The following NLK variants were observed in gnomAD, a reference collection of about 807,000 sequenced individuals.
The protein encoded by NLK is serine/threonine-protein kinase NLK.
In NLK, 11 loss-of-function variants were observed where a neutral mutation model predicts 59.0. That is an observed-to-expected ratio of 0.19 (90% CI 0.12 to 0.31). The LOEUF (loss-of-function observed/expected upper bound fraction) is 0.31, where lower values mean the gene tolerates loss of function less well. NLK is among the 10% of genes least tolerant of loss of function. The pLI is 1.00. For synonymous variants in NLK, 235 were observed against 235.9 expected (o/e 1.00, Z 0.03); for missense variants, 410 against 661.1 (o/e 0.62, Z 4.16).
intron 8 of NLK, among the ~76,000 whole-genome samples, chr17:28,188,353 T>A (rs1909193025): frequency 6.6e-6 from 1 of 152,286 alleles, no homozygotes; most frequent in African/African-American, 2.4e-5. Context: ...TATTAGCTTT[T>A]GATCTATATT....
intron 1 of NLK, among the ~76,000 whole-genome samples, chr17:28,081,259 C>T (rs1263521909): frequency 6.6e-6 from 1 of 151,844 alleles, no homozygotes; most frequent in Non-Finnish European, 1.5e-5. Context: ...AGTGCAGCGG[C>T]GTGCGTGATC....
At chr17:28,052,009 T>A (rs1276405207) in intron 1 of NLK, among the ~76,000 whole-genome samples, 1 of 152,116 alleles carries the variant, frequency 6.6e-6, no homozygotes. Flanking sequence ...ATTTTAAATG[T>A]TCATTTTTTT....
At chr17:28,183,596 TGG>T (rs1030105448) in intron 7 of NLK, among the ~76,000 whole-genome samples, 3 of 152,188 alleles carry the variant, frequency 2.0e-5, no homozygotes, top group African/African-American at 7.2e-5. Context: ...CCCAAAGTGC[TGG>T]GATTACAAAC....
chr17:28,107,127 A>G (rs994431438), intron 1 of NLK, among the ~76,000 whole-genome samples: 1 of 152,144 alleles, frequency 6.6e-6, no homozygotes, highest in African/African-American at 2.4e-5. Context: ...AGTACGTAAT[A>G]TATATATCAT....
chr17:28,107,805 T>C (rs1905255806), intron 1 of NLK, among the ~76,000 whole-genome samples: 1 of 152,162 alleles, frequency 6.6e-6, no homozygotes, highest in Non-Finnish European at 1.5e-5. Flanking sequence ...TTTTAGGCAC[T>C]GGAAGGATAC....
chr17:28,200,965 C>T (rs1278869636), downstream of NLK, among the ~76,000 whole-genome samples: 1 of 152,228 alleles, frequency 6.6e-6, no homozygotes, highest in Non-Finnish European at 1.5e-5. Context: ...TTTCTCCATT[C>T]AGTTGCCTTT....
intron 1 of NLK, among the ~76,000 whole-genome samples, chr17:28,063,233 C>T (rs956068259): frequency 6.6e-6 from 1 of 152,162 alleles, no homozygotes; most frequent in Admixed American, 6.5e-5. Flanking sequence ...CGACTGGCAA[C>T]ATTTTTAGTT....
intron 3 of NLK, among the ~76,000 whole-genome samples, chr17:28,144,240 T>C (rs1489854727): frequency 6.6e-6 from 1 of 152,148 alleles, no homozygotes; most frequent in African/African-American, 2.4e-5. Flanking sequence ...ATAAAGATGA[T>C]TTAGTGTGTA....
At chr17:28,202,734 G>C in the NLK span, among the ~76,000 whole-genome samples, 1 of 147,408 alleles carries the variant, frequency 6.8e-6, no homozygotes, top group East Asian at 2.0e-4. Context: ...CCAGGCTAGA[G>C]TGCAATGGTG....
intron 1 of NLK, among the ~76,000 whole-genome samples, chr17:28,053,766 C>T (rs1265059316): frequency 1.1e-4 from 17 of 152,126 alleles, no homozygotes; most frequent in Non-Finnish European, 5.9e-5. Context: ...AAAAATGATC[C>T]GTCAATTTAC....
chr17:28,073,958 A>G (rs1365918035), intron 1 of NLK, among the ~76,000 whole-genome samples: 1 of 152,242 alleles, frequency 6.6e-6, no homozygotes, highest in Non-Finnish European at 1.5e-5. Context: ...CAAAGTCTTT[A>G]TAACCAACTC....
intron 1 of NLK, among the ~76,000 whole-genome samples, chr17:28,117,667 CT>C (rs1489629205): frequency 6.6e-6 from 1 of 152,036 alleles, no homozygotes; most frequent in African/African-American, 2.4e-5. Flanking sequence ...CATATAAGGC[CT>C]TTTTTCTTTG....
downstream of NLK, among the ~76,000 whole-genome samples, chr17:28,198,370 CTG>C (rs906650919): frequency 6.6e-6 from 1 of 152,188 alleles, no homozygotes; most frequent in African/African-American, 2.4e-5. Context: ...GTCACCCAGA[CTG>C]GAGTGTAGTG....
chr17:28,112,829 T>C (rs954729383), intron 1 of NLK, among the ~76,000 whole-genome samples: 8 of 152,190 alleles, frequency 5.3e-5, no homozygotes, highest in African/African-American at 1.9e-4. Context: ...CGCTTTCCTG[T>C]GGAATGCTTC....
In NLK at chr17:28,115,989, T is replaced by G. The variant is rs189827601; in HGVS notation, c.459-6614T>G. Among the ~76,000 whole-genome samples the G allele has an allele frequency of 3.4e-3, 518 of 152,232 alleles. 3 individuals carry two copies. Among genetic ancestry groups the G allele is most frequent in the African/African-American group, 0.012 (490 of 41,574 alleles). ...AATTAATAAGATTTGCTTCATTTGC[T>G]TCAACTATTTTTTATTGTTGTTGCT... On this transcript the variant is annotated intron_variant, in intron 1 of 10. Transcript: ENST00000407008.
chr17:28,170,686 C>T lies in NLK; in HGVS notation c.1048-1831C>T, dbSNP rs557455839. Among the ~76,000 whole-genome samples, 4 of 152,256 alleles carry T rather than the reference C, an allele frequency of 2.6e-5. No homozygotes were observed. In the South Asian group the frequency reaches 8.3e-4, roughly 32 times the overall value. On this transcript the variant is annotated intron_variant, in intron 6 of 10. Transcript: ENST00000407008. ...GTCATAAAATGGATGTGACTACTACCTTGCATACAGAAAAGCTTAAGTAAA... is the reference window on the plus strand; with the variant it reads ...GTCATAAAATGGATGTGACTACTACTTTGCATACAGAAAAGCTTAAGTAAA...
intron 10 of NLK, 29 bp downstream of exon 10, chr17:28,192,242 T>C: frequency 8.4e-7 from 1 of 1,184,614 alleles, no homozygotes; most frequent in Non-Finnish European, 1.2e-6. Flanking sequence ...TTCAACATTC[T>C]TGTTAGAATT....
chr17:28,116,403 C>A, intron 1 of NLK: 1 of 187,498 alleles, frequency 5.3e-6, no homozygotes, highest in South Asian at 1.1e-4. Context: ...TGCTGGTGAC[C>A]CATCTTGCTT....
intron 1 of NLK, among the ~76,000 whole-genome samples, chr17:28,107,630 G>T (rs1233441199): frequency 1.3e-5 from 2 of 151,984 alleles, no homozygotes; most frequent in East Asian, 1.9e-4. Flanking sequence ...ATATTAAAAG[G>T]TATTCAACAA....
Sources: gnomAD v4.1 joint callset for allele counts (sites outside exome capture counted in the v4.1 genomes callset) on GRCh38, gnomAD v4.1.1 for gene constraint, MANE v1.5 for transcripts, NCBI Gene and HGNC (gene_info 2026-07-23, HGNC 2026-07-21) for gene names.